Variants in ZNF57 observed in about 807,000 individuals in gnomAD.
The protein encoded by ZNF57 is zinc finger protein 424.
In ZNF57, 11 loss-of-function variants were observed where a neutral mutation model predicts 13.4. That is an observed-to-expected ratio of 0.82 (90% CI 0.52 to 1.36). The LOEUF (loss-of-function observed/expected upper bound fraction) is 1.36. Ranked by LOEUF, ZNF57 falls within the 40% of genes most tolerant of loss-of-function variation. The probability of loss-of-function intolerance (pLI) is 0.00; values close to 1 mark genes in which losing one functional copy is unlikely to be tolerated. For synonymous variants in ZNF57, 224 were observed against 238.5 expected, an observed-to-expected ratio of 0.94 and a Z score of 0.56; for missense variants, 696 against 667.5, an observed-to-expected ratio of 1.04 and a Z score of -0.47.
intron 1 of ZNF57, among the ~76,000 whole-genome samples, chr19:2,903,995 G>A (rs990510897): frequency 6.6e-6 from 1 of 152,322 alleles, no homozygotes; most frequent in Non-Finnish European, 1.5e-5. Flanking sequence ...GATTACAGGC[G>A]TGAGCCACCG....
chr19:2,902,575 GCAAT>G (rs1040443980), intron 1 of ZNF57, among the ~76,000 whole-genome samples: 26 of 152,122 alleles, frequency 1.7e-4, no homozygotes, highest in Admixed American at 7.2e-4. Context: ...AAATGCCAAA[GCAAT>G]CAGACAAAAA....
chr19:2,909,284 T>G (rs1003108651), intron 1 of ZNF57, among the ~76,000 whole-genome samples: 2 of 131,006 alleles, frequency 1.5e-5, no homozygotes, highest in African/African-American at 5.5e-5. Flanking sequence ...TATTTTTGTT[T>G]TTTTTTTTTT....
chr19:2,915,520 A>T lies in ZNF57; in HGVS notation c.4-2A>T. 1 of 1,613,666 alleles carries T rather than the reference A, an allele frequency of 6.2e-7. No individual in the cohort carries two copies. Among genetic ancestry groups the T allele is most frequent in the Non-Finnish European group, 8.5e-7 (1 of 1,179,702 alleles). On this transcript the variant is annotated splice_acceptor_variant, in intron 1 of 3. Transcript: ENST00000306908. LOFTEE classifies it high-confidence loss of function. ...CCTGCACACCTGTGTGGTTTGTCTT[A>T]GGACTCAGTGGTCTTTGAGGATGTG...
chr19:2,917,160 C>T lies in ZNF57; in HGVS notation c.539C>T (p.Pro180Leu). ...GEECKQACIC[P>L]SHLHSHGRTD... ...GAATGTAAGCAGGCCTGCATTTGTC[C>T]CTCACACCTACACAGTCACGGAAGA... The change falls in exon 4 of 4, where the codon CCC becomes CTC. Residue 180 changes from proline to leucine, a missense_variant. Physicochemically the swap from Pro to Leu is moderately conservative, Grantham distance 98 (BLOSUM62 -3). Around this residue, in one of 3 missense-constraint regions of ZNF57, gnomAD observed 645 missense variants for 591.5 expected, o/e 1.09. Transcript: ENST00000306908. 1 of 1,614,114 alleles carries T rather than the reference C, an allele frequency of 6.2e-7. No individual in the cohort carries two copies. The highest frequency in any genetic ancestry group is 1.1e-5 in the South Asian group (1 of 91,068).
At chr19:2,912,426 C>T (rs750417039) in intron 1 of ZNF57, among the ~76,000 whole-genome samples, 7 of 152,200 alleles carry the variant, frequency 4.6e-5, no homozygotes, top group East Asian at 1.9e-4. Flanking sequence ...GACTTGGGCC[C>T]GCTGTGCCCC....
Position 2,917,411 on chromosome 19 carries a change from C to T in ZNF57, c.790C>T (p.Pro264Ser). ...CQECGRAFIY[P>S]STFQRHMTTH... ...GGAATGTGGGAGAGCCTTCATTTAT[C>T]CCTCGACATTTCAAAGACACATGAC... Residue 264 changes from proline to serine, a missense_variant, in exon 4 of 4, where the codon CCC becomes TCC. Coordinates refer to ENST00000306908, the MANE Select transcript of ZNF57 (RefSeq NM_173480.3). The T allele has an allele frequency of 6.2e-7, 1 of 1,614,158 alleles. No individual in the cohort carries two copies. The highest frequency in any genetic ancestry group is 8.5e-7 in the Non-Finnish European group (1 of 1,180,038).
chr19:2,907,551 C>G (rs577253553), intron 1 of ZNF57, among the ~76,000 whole-genome samples: 5 of 152,186 alleles, frequency 3.3e-5, no homozygotes, highest in Non-Finnish European at 7.3e-5. Flanking sequence ...CCATTCTTTT[C>G]CATTGGTTCG....
intron 1 of ZNF57, among the ~76,000 whole-genome samples, chr19:2,902,492 G>GA (rs2088038667): frequency 6.6e-6 from 1 of 152,142 alleles, no homozygotes; most frequent in South Asian, 2.1e-4. Flanking sequence ...GAATTGTAGA[G>GA]AAAGTGTGCG....
In ZNF57 at chr19:2,900,966, G is replaced by C; in HGVS notation, c.-80G>C. On this transcript the variant is annotated 5_prime_UTR_variant, in exon 1 of 4. Coordinates refer to ENST00000306908, the MANE Select transcript of ZNF57 (RefSeq NM_173480.3). The stretch of plus-strand genomic sequence containing the variant: ...GTGCCCTGCCTACCACGAGCGGCCC[G>C]GGAGTACCTGTACCTTTCAGCTGCG... 1 of 1,537,012 alleles carries C rather than the reference G, an allele frequency of 6.5e-7. No individual in the cohort carries two copies. Among genetic ancestry groups the C allele is most frequent in the South Asian group, 1.2e-5 (1 of 83,630 alleles).
Position 2,916,190 on chromosome 19 carries a change from C to G in ZNF57, c.243C>G (p.Ala81=). ...IPNFTGNNSC[A]YTLEKNCEGY... is the part of the protein sequence containing the mutation. The stretch of plus-strand genomic sequence containing the variant: ...ACTTCACAGGAAATAATTCCTGTGC[C>G]TACACTTTAGAAAAAAATTGTGAAG... The change falls in exon 3 of 4, where the codon GCC becomes GCG. Residue 81 remains alanine, a synonymous_variant. Transcript: ENST00000306908. 1 of 1,613,824 alleles carries G rather than the reference C, an allele frequency of 6.2e-7. No individual in the cohort carries two copies. The highest frequency in any genetic ancestry group is 8.5e-7 in the Non-Finnish European group (1 of 1,179,952).
chr19:2,912,855 G>A (rs775403530), intron 1 of ZNF57, among the ~76,000 whole-genome samples: 1 of 152,200 alleles, frequency 6.6e-6, no homozygotes, highest in Non-Finnish European at 1.5e-5. Flanking sequence ...CCTAGTGGGT[G>A]AGAAGTGGTA....
intron 1 of ZNF57, among the ~76,000 whole-genome samples, chr19:2,906,132 C>T (rs2088073516): frequency 6.6e-6 from 1 of 152,194 alleles, no homozygotes; most frequent in Non-Finnish European, 1.5e-5. Context: ...TGGCTCACTG[C>T]AGCCTCAAAC....
At chr19:2,914,910 G>C (rs2088175086) in intron 1 of ZNF57, among the ~76,000 whole-genome samples, 1 of 152,098 alleles carries the variant, frequency 6.6e-6, no homozygotes, top group Non-Finnish European at 1.5e-5. Flanking sequence ...TTGGCAAATA[G>C]GTATTCTTAT....
intron 1 of ZNF57, chr19:2,912,128 C>T (rs990317992): frequency 2.0e-5 from 3 of 152,156 alleles, no homozygotes; most frequent in East Asian, 1.9e-4. Flanking sequence ...CCTTTGATGA[C>T]GTCTCAGTCT....
chr19:2,903,509 G>A (rs1599595095), intron 1 of ZNF57, among the ~76,000 whole-genome samples: 2 of 152,240 alleles, frequency 1.3e-5, no homozygotes, highest in East Asian at 1.9e-4. Flanking sequence ...ACCGCGCCCG[G>A]CCTGGATTAA....
intron 3 of ZNF57, 174 bp downstream of exon 3, chr19:2,916,423 T>G (rs2088196620): frequency 1.6e-6 from 1 of 628,798 alleles, no homozygotes; most frequent in Admixed American, 3.5e-5. Flanking sequence ...TTAGAAGTAA[T>G]TACAGGGGGC....
At chr19:2,908,529 C>A (rs1342159754) in intron 1 of ZNF57, among the ~76,000 whole-genome samples, 1 of 144,748 alleles carries the variant, frequency 6.9e-6, no homozygotes, top group East Asian at 2.1e-4. Context: ...AGCGCGCACT[C>A]GAAGCTCCGC....
rs1568185071 is a variant in ZNF57 at position 2,917,947 on chromosome 19, C to T, written c.1326C>T (p.His442=). 1 of 1,613,714 alleles carries T rather than the reference C, an allele frequency of 6.2e-7. No individual in the cohort carries two copies. The highest frequency in any genetic ancestry group is 1.3e-5 in the African/African-American group (1 of 74,994). The change falls in exon 4 of 4, where the codon CAC becomes CAT. Residue 442 remains histidine, a synonymous_variant. Coordinates refer to ENST00000306908, the MANE Select transcript of ZNF57 (RefSeq NM_173480.3). ...SSTFREHVRI[H]TQEQLHKCEH... is the part of the protein sequence containing the mutation. The stretch of plus-strand genomic sequence containing the variant: ...CGTTTAGAGAACATGTGAGAATTCA[C>T]ACGCAAGAGCAGCTCCATAAATGTG...
At chr19:2,904,951 G>A (rs1255021126) in intron 1 of ZNF57, among the ~76,000 whole-genome samples, 4 of 152,172 alleles carry the variant, frequency 2.6e-5, no homozygotes, top group Non-Finnish European at 5.9e-5. Context: ...TTCACAGTGA[G>A]ATGTGCATTA....
Sources: gnomAD v4.1 joint callset for allele counts (sites outside exome capture counted in the v4.1 genomes callset) on GRCh38, gnomAD v4.1.1 for gene constraint, gnomAD v4.1.1 regional missense constraint, MANE v1.5 for transcripts, NCBI Gene and HGNC (gene_info 2026-07-23, HGNC 2026-07-21) for gene names.